CXXC1: variants seen among roughly 807,000 people sequenced by gnomAD.
CXXC1 encodes CXXC-type zinc finger protein 1.
In CXXC1, 21 loss-of-function variants were observed where a neutral mutation model predicts 83.6. The observed-to-expected ratio is 0.25, with a 90% CI of 0.18 to 0.36. CXXC1 has a LOEUF of 0.36. CXXC1 is among the 10% of genes least tolerant of loss of function. The pLI, the probability that CXXC1 is intolerant of heterozygous loss-of-function variation, is 1.00. For missense variants in CXXC1, 688 were observed against 919.5 expected (o/e 0.75, Z 3.26); for synonymous variants, 371 against 337.5 (o/e 1.10, Z -1.09).
In CXXC1 at chr18:50,286,622, T is replaced by C. The variant is rs1299152160; in HGVS notation, c.140A>G (p.Asn47Ser). 1 of 1,614,146 alleles carries C rather than the reference T, an allele frequency of 6.2e-7. No homozygotes were observed. The highest frequency in any genetic ancestry group is 8.5e-7 in the Non-Finnish European group (1 of 1,179,988). ...NCFMIGCDNCNEWFHGDCIRI... is the reference protein window; with the variant it reads ...NCFMIGCDNCSEWFHGDCIRI... ...GATGCAGTCCCCATGGAACCACTCA[T>C]TGCAGTTGTCACACCCGCTGCAGAG... is the stretch of plus-strand genomic sequence containing the variant. Residue 47 changes from asparagine (N) to serine (S), a missense_variant, in exon 3 of 15, where the codon AAT (asparagine) becomes AGT (serine). By Grantham distance (46) the Asn-to-Ser change is conservative. This residue lies in a region of CXXC1 where 3 missense variants were observed against 22.1 expected (regional missense o/e 0.14). Transcript: ENST00000285106.
intron 1 of CXXC1, 135 bp downstream of exon 1, chr18:50,287,452 G>A (rs1207659785): frequency 9.4e-7 from 1 of 1,058,336 alleles, no homozygotes; most frequent in South Asian, 1.4e-5. Flanking sequence ...TCATCATTCT[G>A]CCCATAGACT....
In CXXC1 at chr18:50,283,353, C is replaced by A; in HGVS notation, c.1583G>T (p.Arg528Leu). 1 of 1,613,738 alleles carries A rather than the reference C, an allele frequency of 6.2e-7. No individual in the cohort carries two copies. Among genetic ancestry groups the A allele is most frequent in the South Asian group, 1.1e-5 (1 of 91,038 alleles). The change falls in exon 13 of 15, where the codon CGA becomes CTA. Residue 528 changes from arginine to leucine, a missense_variant. Physicochemically the swap from Arg to Leu is moderately radical, Grantham distance 102. Transcript: ENST00000285106. ...AGGATTATACACATCACAGAAGAGT[C>A]GTGTGGCCCTGGGGATTTGGAGTAG... ...MYPTRIEGAT[R>L]LFCDVYNPQS...
intron 8 of CXXC1, 60 bp from the exon 9 acceptor site, chr18:50,284,622 C>G: frequency 1.9e-6 from 3 of 1,596,876 alleles, no homozygotes; most frequent in Non-Finnish European, 2.6e-6. Flanking sequence ...ACCCCAGACC[C>G]TTGCTCCATT....
Position 50,282,555 on chromosome 18 carries a change from T to C in CXXC1, c.*38A>G, listed in dbSNP as rs767939732. 1.9e-6 allele frequency: 3 copies of C among 1,597,994 alleles called. No homozygotes were observed. Among genetic ancestry groups the C allele is most frequent in the South Asian group, 2.2e-5 (2 of 90,972 alleles). On this transcript the variant is annotated 3_prime_UTR_variant, in exon 15 of 15. Coordinates refer to ENST00000285106, the MANE Select transcript of CXXC1 (RefSeq NM_014593.4). This position sits in a 1 kb window ranked among gnomAD's most constrained non-coding sequence, Gnocchi z 5.8. ...ACACGGGCACCGGGCGGCTCCCCCA[T>C]CTGGAATGCAGGGTGTAAGGGGTCC...
rs1355459557 is a variant in CXXC1, at chr18:50,284,113, G to A, written c.1206-12C>T. ...TCTCGTAGATGCGGCTGCAGGGAAG[G>A]TAGCAAGCAACAGAATGAGTGAGGT... On this transcript the variant is annotated splice_polypyrimidine_tract_variant and intron_variant, in intron 9 of 14. Transcript: ENST00000285106. 3.8e-6 allele frequency: 6 copies of A among 1,599,736 alleles called. No individual in the cohort carries two copies. The highest frequency in any genetic ancestry group is 5.1e-6 in the Non-Finnish European group (6 of 1,175,312).
rs2040500023 is a variant in CXXC1, at chr18:50,282,516, G to A, written c.*77C>T. ...CAGGGAGAACCGGAGAAACAGATGA[G>A]TGGAGGAACGGACACACGGGCACCG... On this transcript the variant is annotated 3_prime_UTR_variant, in exon 15 of 15. Transcript: ENST00000285106. This position sits in a 1 kb window ranked among gnomAD's most constrained non-coding sequence, Gnocchi z 5.8. 2 of 1,549,182 alleles carry A rather than the reference G, an allele frequency of 1.3e-6. No homozygotes were observed. The highest frequency in any genetic ancestry group is 1.8e-6 in the Non-Finnish European group (2 of 1,139,398).
rs2149298814 is a variant in CXXC1 at position 50,285,227 on chromosome 18, T to G, written c.687A>C (p.Ser229=). ...GCCGGCGGGGCCTTGGCAGGGACTC[T>G]GAGGGCGTCACTGGTGAGAGCTGCA... ...FPSSLSPVTP[S]ESLPRPRRPL... The change falls in exon 7 of 15, where the codon TCA becomes TCC. Residue 229 remains serine (S), a synonymous_variant. Coordinates refer to ENST00000285106, the MANE Select transcript of CXXC1 (RefSeq NM_014593.4). The surrounding 1 kb of genome is among the most constrained non-coding windows in gnomAD (Gnocchi z 4.4). 6.2e-7 allele frequency: 1 copy of G among 1,614,144 alleles called. No homozygotes were observed. Among genetic ancestry groups the G allele is most frequent in the Non-Finnish European group, 8.5e-7 (1 of 1,180,000 alleles).
chr18:50,287,126 T>A, intron 1 of CXXC1: 1 of 525,022 alleles, frequency 1.9e-6, no homozygotes, highest in Admixed American at 3.2e-5. Flanking sequence ...CGACCCTCCA[T>A]CGTGGCGCCT....
rs769129941 is a variant in CXXC1, at chr18:50,285,358, C to G, written c.640-7G>C. 2.5e-5 allele frequency: 40 copies of G among 1,587,458 alleles called. No homozygotes were observed. The Admixed American group carries it at 6.7e-4, about 26-fold the overall frequency. On this transcript the variant is annotated splice_polypyrimidine_tract_variant and splice_region_variant and intron_variant, in intron 5 of 14. Transcript: ENST00000285106. The surrounding 1 kb of genome is among the most constrained non-coding windows in gnomAD (Gnocchi z 4.4). ...GGAAGTACTTGTACGATTCCTGTGC[C>G]GGCAGGAGGAAGGCCCAGGTCAGCC... is the stretch of plus-strand genomic sequence containing the variant.
rs1477914554 is a variant in CXXC1 at position 50,283,954 on chromosome 18, G to A, written c.1353C>T (p.Phe451=). ...RTRLQEMERR[F]HELEAIILRA... ...GTAGAATGATGGCCTCAAGCTCATG[G>A]AATCGGCGTTCCATTTCCTGAAGGC... is the stretch of plus-strand genomic sequence containing the variant. Residue 451 remains phenylalanine (F), a synonymous_variant, in exon 10 of 15, where the codon TTC becomes TTT. Transcript: ENST00000285106. The A allele has an allele frequency of 6.2e-6, 10 of 1,613,832 alleles. No individual in the cohort carries two copies. The highest frequency in any genetic ancestry group is 8.5e-6 in the Non-Finnish European group (10 of 1,180,010).
At chr18:50,287,457 T>G (rs746467842) in intron 1 of CXXC1, 130 bp downstream of exon 1, 22 of 1,130,170 alleles carry the variant, frequency 1.9e-5, no homozygotes, top group Middle Eastern at 2.0e-4. Flanking sequence ...ATTCTGCCCA[T>G]AGACTCCCGC....
In CXXC1 at chr18:50,285,675, C is replaced by G. The variant is rs760169246; in HGVS notation, c.639+74G>C. 75 of 1,543,072 alleles carry G rather than the reference C, an allele frequency of 4.9e-5. No homozygotes were observed. Among genetic ancestry groups the G allele is most frequent in the Non-Finnish European group, 6.4e-5 (73 of 1,137,580 alleles). On this transcript the variant is annotated intron_variant, in intron 5 of 14. Coordinates refer to ENST00000285106, the MANE Select transcript of CXXC1 (RefSeq NM_014593.4). The surrounding 1 kb of genome is among the most constrained non-coding windows in gnomAD (Gnocchi z 4.4). ...CCAATCCCACCTGGTTTATCCATGC[C>G]TAGACTTAACTAACCATGCATGGAC...
intron 3 of CXXC1, 44 bp downstream of exon 3, chr18:50,286,495 C>T: frequency 6.5e-7 from 1 of 1,535,988 alleles, no homozygotes; most frequent in Non-Finnish European, 9.0e-7. Flanking sequence ...CCTCCTCCTC[C>T]CTTGAAGCCC....
In CXXC1 at chr18:50,282,867, T is replaced by C; in HGVS notation, c.1811A>G (p.Glu604Gly). ...EKLRRAEVDL[E>G]RVRVWYKLDE... ...ACAGAAACCTACCACACGCACGCGC[T>C]CCAAGTCCACTTCCGCACGCCGCAG... The change falls in exon 14 of 15, where the codon GAG becomes GGG. Residue 604 changes from glutamate (E) to glycine (G), a missense_variant. By Grantham distance (98) the Glu-to-Gly change is moderately conservative (BLOSUM62 -2). Transcript: ENST00000285106. This position sits in a 1 kb window ranked among gnomAD's most constrained non-coding sequence, Gnocchi z 5.8. 3 of 1,614,054 alleles carry C rather than the reference T, an allele frequency of 1.9e-6. No individual in the cohort carries two copies. Among genetic ancestry groups the C allele is most frequent in the Non-Finnish European group, 2.5e-6 (3 of 1,180,014 alleles).
At position 50,282,521 on chromosome 18, in the gene CXXC1, G is replaced by A; in HGVS notation, c.*72C>T. ...AGAACCGGAGAAACAGATGAGTGGA[G>A]GAACGGACACACGGGCACCGGGCGG... On this transcript the variant is annotated 3_prime_UTR_variant, in exon 15 of 15. Transcript: ENST00000285106. This position sits in a 1 kb window ranked among gnomAD's most constrained non-coding sequence, Gnocchi z 5.8. 1 of 1,564,746 alleles carries A rather than the reference G, an allele frequency of 6.4e-7. No homozygotes were observed. Among genetic ancestry groups the A allele is most frequent in the Non-Finnish European group, 8.7e-7 (1 of 1,152,680 alleles).
Position 50,284,420 on chromosome 18 carries a change from G to A in CXXC1, c.1163C>T (p.Ser388Phe), listed in dbSNP as rs1190047627. The A allele has an allele frequency of 6.3e-7, 1 of 1,580,266 alleles. No individual in the cohort carries two copies. Among genetic ancestry groups the A allele is most frequent in the Non-Finnish European group, 8.6e-7 (1 of 1,165,608 alleles). Residue 388 changes from serine (S) to phenylalanine (F), a missense_variant, in exon 9 of 15, where the codon TCC (serine) becomes TTC (phenylalanine). By Grantham distance (155) the Ser-to-Phe change is radical. Coordinates refer to ENST00000285106, the MANE Select transcript of CXXC1 (RefSeq NM_014593.4). ...GCCACAGTCATCTGAGCAATACTTG[G>A]AGCTGGGCTGGGCGGGGCGCACACA... The part of the protein sequence containing the change: ...PGCVRPAQPS[S>F]KYCSDDCGMK...
chr18:50,283,922 T>C lies in CXXC1; in HGVS notation c.1385A>G (p.Lys462Arg), dbSNP rs757444602. Reference protein sequence around the residue: ...HELEAIILRAKQQAVREDEES... With the variant: ...HELEAIILRARQQAVREDEES... ...CTCATCCTCGCGCACAGCCTGCTGC[T>C]TGGCACGTAGAATGATGGCCTCAAG... Residue 462 changes from lysine to arginine, a missense_variant, in exon 10 of 15, where the codon AAG (lysine) becomes AGG (arginine). By Grantham distance (26) the Lys-to-Arg change is conservative (BLOSUM62 2). Around this residue, in one of 9 missense-constraint regions of CXXC1, gnomAD observed 100 missense variants for 142.5 expected, o/e 0.70. Transcript: ENST00000285106. 3 of 1,614,140 alleles carry C rather than the reference T, an allele frequency of 1.9e-6. No homozygotes were observed.
At chr18:50,286,447 A>T (rs1277970736) in intron 3 of CXXC1, 92 bp downstream of exon 3, 2 of 1,158,394 alleles carry the variant, frequency 1.7e-6, no homozygotes, top group Non-Finnish European at 2.6e-6. Flanking sequence ...CTCACCACAG[A>T]CGTGTATCAC....
chr18:50,286,907 G>A, intron 1 of CXXC1, 49 bp from the exon 2 acceptor site: 1 of 1,305,650 alleles, frequency 7.7e-7, no homozygotes. Context: ...CACCGTGGCG[G>A]CTCATCCCCC....
Sources: gnomAD v4.1 joint callset for allele counts on GRCh38, gnomAD v4.1.1 for gene constraint, gnomAD v4.1.1 regional missense constraint, Gnocchi (gnomAD v3.1) non-coding constraint, MANE v1.5 for transcripts, NCBI Gene and HGNC (gene_info 2026-07-23, HGNC 2026-07-21) for gene names.